VPS54: variants seen among roughly 807,000 people sequenced by gnomAD.
The protein encoded by VPS54 is VPS54 subunit of GARP complex.
In VPS54, 45 loss-of-function variants were observed where a neutral mutation model predicts 121.5. That is an observed-to-expected ratio of 0.37 (90% CI 0.29 to 0.47). The LOEUF is 0.47. VPS54 is among the 20% of genes least tolerant of loss of function. VPS54 has a pLI of 0.99. For missense variants in VPS54, 1,090 were observed against 1,131.4 expected (o/e 0.96, Z 0.52); for synonymous variants, 371 against 385.8 (o/e 0.96, Z 0.45).
At chr2:63,923,578 T>C (rs1050842967) in intron 12 of VPS54, among the ~76,000 whole-genome samples, 24 of 152,206 alleles carry the variant, frequency 1.6e-4, no homozygotes, top group African/African-American at 5.8e-4. Context: ...ACATCTTGTA[T>C]GTATATATCA....
intron 11 of VPS54, among the ~76,000 whole-genome samples, chr2:63,938,058 TG>T (rs71393341): frequency 4.2e-3 from 259 of 61,348 alleles, no homozygotes; most frequent in African/African-American, 0.014. Flanking sequence ...GTGGTGTGTG[TG>T]GTGTGTGTGT....
chr2:64,009,132 G>A (rs1214396624), intron 1 of VPS54, among the ~76,000 whole-genome samples: 1 of 152,084 alleles, frequency 6.6e-6, no homozygotes, highest in African/African-American at 2.4e-5. Flanking sequence ...ACCCATTTCA[G>A]GCTCCTGGTG....
chr2:63,978,611 T>G (rs1344447826), intron 3 of VPS54, among the ~76,000 whole-genome samples: 1 of 152,082 alleles, frequency 6.6e-6, no homozygotes, highest in African/African-American at 2.4e-5. Context: ...CTATTTCAGA[T>G]TTTTCTATTT....
intron 16 of VPS54, among the ~76,000 whole-genome samples, chr2:63,914,986 T>G (rs903573661): frequency 4.6e-5 from 7 of 151,412 alleles, no homozygotes; most frequent in Non-Finnish European, 8.8e-5. Flanking sequence ...ACCCTGTCTC[T>G]ATTAAAAATT....
chr2:63,983,328 T>TCA (rs1158564423), intron 2 of VPS54, among the ~76,000 whole-genome samples: 2 of 152,174 alleles, frequency 1.3e-5, no homozygotes, highest in East Asian at 3.9e-4. Flanking sequence ...AGATGGGGTT[T>TCA]CACCATGTTG....
At chr2:63,954,126 AAAAG>A (rs1354233305) in intron 7 of VPS54, among the ~76,000 whole-genome samples, 4 of 152,134 alleles carry the variant, frequency 2.6e-5, no homozygotes, top group Non-Finnish European at 5.9e-5. Context: ...ATTTCCTACT[AAAAG>A]AAAGTAGGGC....
At chr2:63,967,820 G>A (rs968180956) in intron 5 of VPS54, among the ~76,000 whole-genome samples, 1 of 151,632 alleles carries the variant, frequency 6.6e-6, no homozygotes. Context: ...ATGGGAATTT[G>A]GCAAAAGGGC....
chr2:64,008,400 C>T (rs372602484), intron 1 of VPS54, among the ~76,000 whole-genome samples: 3 of 129,480 alleles, frequency 2.3e-5, no homozygotes, highest in African/African-American at 6.4e-5. Flanking sequence ...GGTGACAGAG[C>T]GCGACTCCGT....
chr2:63,991,434 G>A (rs1677312106), intron 1 of VPS54, among the ~76,000 whole-genome samples: 2 of 152,134 alleles, frequency 1.3e-5, no homozygotes, highest in African/African-American at 4.8e-5. Context: ...GAAGGCATTG[G>A]ATCAGACACC....
intron 15 of VPS54, among the ~76,000 whole-genome samples, chr2:63,919,252 T>G (rs979105178): frequency 1.3e-5 from 2 of 152,074 alleles, no homozygotes; most frequent in African/African-American, 4.8e-5. Flanking sequence ...TCCCTGCCTC[T>G]CTGGTTCTTC....
At chr2:63,951,922 T>C (rs1039975497) in intron 7 of VPS54, among the ~76,000 whole-genome samples, 2 of 152,208 alleles carry the variant, frequency 1.3e-5, no homozygotes, top group East Asian at 3.8e-4. Context: ...TGGGTACATT[T>C]ATGATTGTTT....
intron 3 of VPS54, among the ~76,000 whole-genome samples, chr2:63,973,196 G>A (rs1676365479): frequency 6.6e-6 from 1 of 152,164 alleles, no homozygotes; most frequent in Admixed American, 6.5e-5. Flanking sequence ...AACATTTGGT[G>A]TTGTCAGTGT....
chr2:63,976,951 C>A (rs1001272325), intron 3 of VPS54, among the ~76,000 whole-genome samples: 1 of 151,358 alleles, frequency 6.6e-6, no homozygotes, highest in African/African-American at 2.4e-5. Context: ...GCCTCAGCCT[C>A]CCAAGTAGCT....
intron 1 of VPS54, among the ~76,000 whole-genome samples, chr2:63,984,300 C>A (rs1354611116): frequency 6.6e-6 from 1 of 152,188 alleles, no homozygotes; most frequent in African/African-American, 2.4e-5. Flanking sequence ...TAAAAACACT[C>A]TATTCATTCA....
intron 20 of VPS54, 85 bp from the exon 21 acceptor site, chr2:63,899,666 GTCCC>G: frequency 9.1e-7 from 1 of 1,097,096 alleles, no homozygotes. Context: ...TATATTTACT[GTCCC>G]TCCACATATC....
chr2:63,960,869 A>C (rs1675737516), intron 7 of VPS54, among the ~76,000 whole-genome samples: 1 of 152,232 alleles, frequency 6.6e-6, no homozygotes, highest in Non-Finnish European at 1.5e-5. Context: ...TGAATCACCC[A>C]AAATTGATTG....
At chr2:63,923,369 T>C (rs954927840) in intron 12 of VPS54, among the ~76,000 whole-genome samples, 3 of 151,802 alleles carry the variant, frequency 2.0e-5, no homozygotes, top group African/African-American at 2.4e-5. Context: ...TTCACGTCAA[T>C]AGGGAAAAAA....
At chr2:63,971,191 T>A (rs1174466553) in intron 4 of VPS54, among the ~76,000 whole-genome samples, 1 of 152,172 alleles carries the variant, frequency 6.6e-6, no homozygotes, top group African/African-American at 2.4e-5. Context: ...AAGGCCTAAT[T>A]CCCTCTCCAT....
At chr2:63,975,019 TC>T (rs1194966169) in intron 3 of VPS54, 2 of 1,549,712 alleles carry the variant, frequency 1.3e-6, no homozygotes, top group Admixed American at 3.9e-5. Flanking sequence ...GCATCTAGTT[TC>T]CCCATTAGCT....
Sources: allele counts gnomAD v4.1 joint callset (sites outside exome capture counted in the v4.1 genomes callset), GRCh38; gene constraint gnomAD v4.1.1; transcripts MANE v1.5; gene names NCBI Gene and HGNC (gene_info 2026-07-23, HGNC 2026-07-21).